OPTN: variants seen among roughly 807,000 people sequenced by gnomAD.
OPTN encodes the protein optineurin.
A neutral mutation model predicts 70.4 loss-of-function variants in OPTN; 54 were observed. The ratio of observed to expected loss-of-function variants is 0.77; its 90% confidence interval spans 0.62 to 0.96. The LOEUF (loss-of-function observed/expected upper bound fraction) is 0.96, where lower values mean the gene tolerates loss of function less well. Among genes scored for constraint, OPTN ranks in the 40% least tolerant of loss-of-function variants. OPTN has a pLI of 0.00. For synonymous variants in OPTN, 256 were observed against 248.5 expected (o/e 1.03, Z -0.28); for missense variants, 624 against 673.2 (o/e 0.93, Z 0.81).
chr10:13,108,392 C>T (rs1264031211), intron 2 of OPTN, 103 bp downstream of exon 2: 1 of 152,140 alleles, frequency 6.6e-6, no homozygotes, highest in Non-Finnish European at 1.5e-5. Flanking sequence ...AATTCACTTA[C>T]CATGCAATTT....
Position 13,127,788 on chromosome 10 carries a change from A to G in OPTN, c.1286A>G (p.Lys429Arg). The G allele has an allele frequency of 6.2e-7, 1 of 1,614,192 alleles. No individual in the cohort carries two copies. Among genetic ancestry groups the G allele is most frequent in the Non-Finnish European group, 8.5e-7 (1 of 1,180,020 alleles). ...GCAGTGCTGAAGGAACTGAGTGAAA[A>G]ACTGGAACTGGCAGAGAAGGCTCTG... ...DRAVLKELSE[K>R]LELAEKALAS... The change falls in exon 12 of 15, where the codon AAA becomes AGA. Residue 429 changes from lysine to arginine, a missense_variant. Physicochemically the swap from Lys to Arg is conservative, Grantham distance 26 (BLOSUM62 2). Coordinates refer to ENST00000378747, the MANE Select transcript of OPTN (RefSeq NM_001008212.2).
intron 9 of OPTN, 49 bp from the exon 10 acceptor site, chr10:13,125,369 C>A (rs747815772): frequency 7.5e-6 from 12 of 1,606,402 alleles, no homozygotes; most frequent in Non-Finnish European, 1.0e-5. Flanking sequence ...AAAGCCACTG[C>A]GACGTAAAGG....
At chr10:13,108,871 TACACACACACGC>T (rs1832927349) in intron 2 of OPTN, 2 of 494,252 alleles carry the variant, frequency 4.0e-6, no homozygotes, top group Non-Finnish European at 7.5e-6. Flanking sequence ...TATACACCCA[TACACACACACGC>T]ACACACACAC....
intron 11 of OPTN, among the ~76,000 whole-genome samples, chr10:13,126,470 C>T (rs897357642): frequency 6.6e-6 from 1 of 151,682 alleles, no homozygotes; most frequent in Non-Finnish European, 1.5e-5. Flanking sequence ...TTAGTAGAGA[C>T]GGGGTTTCAC....
intron 11 of OPTN, 124 bp from the exon 12 acceptor site, chr10:13,127,621 C>G: frequency 9.6e-7 from 1 of 1,042,970 alleles, no homozygotes. Flanking sequence ...CCTCTCAATT[C>G]TAGGCATGAG....
intron 1 of OPTN, chr10:13,104,649 T>C: frequency 1.4e-6 from 1 of 690,470 alleles, no homozygotes; most frequent in East Asian, 3.1e-5. Context: ...TGTTGCCCAC[T>C]AGTCGCCATC....
At chr10:13,106,224 A>C (rs1564352934) in intron 1 of OPTN, among the ~76,000 whole-genome samples, 3 of 152,338 alleles carry the variant, frequency 2.0e-5, no homozygotes, top group Admixed American at 6.5e-5. Flanking sequence ...ATTACCTAGA[A>C]TTTTAGTATT....
rs372153843 is a variant in OPTN, at chr10:13,137,679, T to C, written c.*813T>C. 5 of 231,350 alleles carry C rather than the reference T, an allele frequency of 2.2e-5. No homozygotes were observed. Among genetic ancestry groups the C allele is most frequent in the African/African-American group, 6.6e-5 (3 of 45,246 alleles). The allele number at this position is 231,350 out of a possible 1,614,324, so 14.3% of individuals were successfully genotyped here. On this transcript the variant is annotated 3_prime_UTR_variant, in exon 15 of 15. Coordinates refer to ENST00000378747, the MANE Select transcript of OPTN (RefSeq NM_001008212.2). The stretch of plus-strand genomic sequence containing the variant: ...GTTATGTGTGTATGTTGTAGTTTTA[T>C]TGCAGCCACAATAATTTTACCAAAG...
intron 1 of OPTN, chr10:13,104,885 C>G (rs143910840): frequency 4.1e-4 from 122 of 297,458 alleles, no homozygotes; most frequent in African/African-American, 2.5e-3. Flanking sequence ...GGCCCGACCG[C>G]AGGACCGGGA....
intron 8 of OPTN, 112 bp from the exon 9 acceptor site, chr10:13,123,883 C>G: frequency 1.3e-6 from 1 of 746,924 alleles, no homozygotes; most frequent in South Asian, 1.5e-5. Context: ...TGGATTGATT[C>G]ACCAGCCAGT....
rs1283438608 is a variant in OPTN at position 13,111,696 on chromosome 10, G to GA, written c.370-757_370-756insA. ...GGGCGACAGAGTGAGACTCTGTCTGGGAAAAAAAAATTGTCAGGTAAAAGC... is the reference window on the plus strand; with the variant it reads ...GGGCGACAGAGTGAGACTCTGTCTGGAGAAAAAAAAATTGTCAGGTAAAAGC... On this transcript the variant is annotated intron_variant, in intron 4 of 14. Transcript: ENST00000378747. 6.2e-3 allele frequency among the ~76,000 whole-genome samples: 922 copies of GA among 149,240 alleles called. 11 individuals carry two copies. The highest frequency in any genetic ancestry group is 0.021 in the African/African-American group (847 of 40,838).
chr10:13,115,100 AT>A lies in OPTN; in HGVS notation c.553-1162del, dbSNP rs1277530384. 1.2e-4 allele frequency among the ~76,000 whole-genome samples: 11 copies of A among 90,138 alleles called. 1 individual carries two copies. In the East Asian group the frequency reaches 1.7e-3, roughly 14 times the overall value. 59.1% of individuals were successfully genotyped at this position (90,138 alleles called of 152,430 possible). A position where few individuals can be genotyped will look rare whatever the true frequency, so the allele number is the denominator to read the frequency against. On this transcript the variant is annotated intron_variant, in intron 5 of 14. Transcript: ENST00000378747. ...ATATATAGATATATCTATTTTATAT[AT>A]TTTTATATATATTATATATATATAT...
intron 4 of OPTN, 113 bp downstream of exon 4, chr10:13,110,589 T>C (rs937486597): frequency 3.6e-6 from 4 of 1,111,794 alleles, no homozygotes; most frequent in South Asian, 2.7e-5. Context: ...CAGTCTGGAT[T>C]GGTGTTTTGC....
chr10:13,117,316 G>A (rs771639570), intron 6 of OPTN, among the ~76,000 whole-genome samples: 126 of 151,324 alleles, frequency 8.3e-4, no homozygotes, highest in Non-Finnish European at 1.8e-3. Context: ...TCCTGACCTC[G>A]TGATCTGCCC....
At chr10:13,120,223 C>T (rs1329683528) in intron 7 of OPTN, among the ~76,000 whole-genome samples, 3 of 151,848 alleles carry the variant, frequency 2.0e-5, no homozygotes, top group East Asian at 3.9e-4. Flanking sequence ...CTCCTGACCT[C>T]GTGATCTGCC....
At chr10:13,126,582 C>T (rs961975952) in intron 11 of OPTN, among the ~76,000 whole-genome samples, 3 of 151,878 alleles carry the variant, frequency 2.0e-5, no homozygotes, top group African/African-American at 7.3e-5. Context: ...GCCCGGCCAG[C>T]ACTTCGTATT....
intron 8 of OPTN, among the ~76,000 whole-genome samples, chr10:13,122,711 T>C (rs1189814113): frequency 6.6e-6 from 1 of 152,216 alleles, no homozygotes; most frequent in Admixed American, 6.5e-5. Context: ...GGAGTCTCAC[T>C]CTGTCGCCAG....
At position 13,137,021 on chromosome 10, in the gene OPTN, TG is replaced by T. The variant is rs1588456485; in HGVS notation, c.*156del. 4 of 950,302 alleles carry T rather than the reference TG, an allele frequency of 4.2e-6. No homozygotes were observed. The East Asian group carries it at 1.0e-4, about 25-fold the overall frequency. 58.9% of individuals were successfully genotyped at this position (950,302 alleles called of 1,614,324 possible). The stretch of plus-strand genomic sequence containing the variant: ...CAGGCCGGGCACAGTGGCTCATGCC[TG>T]TAATCCCAGCACTTTGGGAGGTCGA... On this transcript the variant is annotated 3_prime_UTR_variant, in exon 15 of 15. Transcript: ENST00000378747.
rs61485003 is a variant in OPTN, at chr10:13,102,481, G to A, written c.-164+2179G>A. On this transcript the variant is annotated intron_variant, in intron 1 of 14. Coordinates refer to ENST00000378747, the MANE Select transcript of OPTN (RefSeq NM_001008212.2). ...AAAATGTATTCAACAGATATTTACC[G>A]AGTCCTGCCTTCTATGTGGCAAGTA... 4.3e-3 allele frequency among the ~76,000 whole-genome samples: 649 copies of A among 152,340 alleles called. 8 individuals are homozygous for A. The highest frequency in any genetic ancestry group is 0.015 in the African/African-American group (613 of 41,580).
Sources: allele counts gnomAD v4.1 joint callset (sites outside exome capture counted in the v4.1 genomes callset), GRCh38; gene constraint gnomAD v4.1.1; transcripts MANE v1.5; gene names NCBI Gene and HGNC (gene_info 2026-07-23, HGNC 2026-07-21).